Variants in CADPS observed in about 807,000 individuals in gnomAD.
CADPS encodes calcium dependent secretion activator.
A neutral mutation model predicts 167.3 loss-of-function variants in CADPS; 57 were observed. That is an observed-to-expected ratio of 0.34 (90% CI 0.28 to 0.42). CADPS has a LOEUF of 0.42. Among genes scored for constraint, CADPS ranks in the 20% least tolerant of loss-of-function variants. The pLI is 1.00. For missense variants in CADPS, 1,414 were observed against 1,738.1 expected, an observed-to-expected ratio of 0.81 and a Z score of 3.32; for synonymous variants, 676 against 635.3, an observed-to-expected ratio of 1.06 and a Z score of -0.96.
At chr3:62,506,733 C>A (rs540842767) in intron 17 of CADPS, among the ~76,000 whole-genome samples, 1 of 152,198 alleles carries the variant, frequency 6.6e-6, no homozygotes. Flanking sequence ...ACCATAGTAC[C>A]TCATACCATC....
intron 3 of CADPS, among the ~76,000 whole-genome samples, chr3:62,667,914 AGGGCCT>A (rs1196662236): frequency 6.6e-6 from 1 of 152,142 alleles, no homozygotes; most frequent in Non-Finnish European, 1.5e-5. Context: ...AAATTGTCAA[AGGGCCT>A]GGGCCTGGAG....
chr3:62,853,871 G>A (rs558690256), intron 1 of CADPS, among the ~76,000 whole-genome samples: 8 of 152,112 alleles, frequency 5.3e-5, no homozygotes, highest in East Asian at 1.9e-4. Context: ...TGGGAGGATC[G>A]CTTCAGCCTG....
At chr3:62,770,769 C>G (rs1008881644) in intron 1 of CADPS, among the ~76,000 whole-genome samples, 1 of 152,150 alleles carries the variant, frequency 6.6e-6, no homozygotes, top group Non-Finnish European at 1.5e-5. Context: ...AGATAACAAA[C>G]TTTCGTATCA....
At chr3:62,574,258 C>T (rs1208827063) in intron 8 of CADPS, among the ~76,000 whole-genome samples, 1 of 152,142 alleles carries the variant, frequency 6.6e-6, no homozygotes. Context: ...TATGCTGATT[C>T]TAAATATGAA....
At chr3:62,563,845 T>C (rs889549885) in intron 9 of CADPS, among the ~76,000 whole-genome samples, 1 of 152,158 alleles carries the variant, frequency 6.6e-6, no homozygotes, top group Admixed American at 6.6e-5. Flanking sequence ...TCCAATCCCA[T>C]CCAAATTGCT....
intron 6 of CADPS, among the ~76,000 whole-genome samples, chr3:62,638,797 T>G (rs1446513684): frequency 1.3e-5 from 2 of 152,176 alleles, no homozygotes; most frequent in Non-Finnish European, 2.9e-5. Flanking sequence ...ATTATGGTTC[T>G]TCTCTGGACC....
Position 62,874,543 on chromosome 3 carries a change from T to C in CADPS, c.441+46A>G. On this transcript the variant is annotated intron_variant, in intron 1 of 29. Coordinates refer to ENST00000383710, the MANE Select transcript of CADPS (RefSeq NM_003716.4). The surrounding 1 kb of genome is among the most constrained non-coding windows in gnomAD (Gnocchi z 7.1). Reference sequence around the variant, plus strand: ...GCTCCCATTGTTCACCCCGCCCGCCTGGCGACGTCCGGGTGCTGCTCCCTG... The same window carrying C: ...GCTCCCATTGTTCACCCCGCCCGCCCGGCGACGTCCGGGTGCTGCTCCCTG... 2 of 1,443,542 alleles carry C rather than the reference T, an allele frequency of 1.4e-6. No homozygotes were observed. Among genetic ancestry groups the C allele is most frequent in the Non-Finnish European group, 1.9e-6 (2 of 1,056,344 alleles). 89.4% of individuals were successfully genotyped at this position (1,443,542 alleles called of 1,614,324 possible). A position where few individuals can be genotyped will look rare whatever the true frequency, so the allele number is the denominator to read the frequency against.
intron 6 of CADPS, among the ~76,000 whole-genome samples, chr3:62,595,301 G>A (rs1247528450): frequency 6.6e-6 from 1 of 152,168 alleles, no homozygotes; most frequent in Non-Finnish European, 1.5e-5. Context: ...CAAAACGTTT[G>A]AGGTACAGAT....
chr3:62,632,000 C>T (rs564701900), intron 6 of CADPS, among the ~76,000 whole-genome samples: 2 of 152,262 alleles, frequency 1.3e-5, no homozygotes, highest in South Asian at 4.1e-4. Context: ...TGGGGCAATG[C>T]CAATAATGAA....
chr3:62,547,975 A>G (rs2076768424), intron 11 of CADPS, among the ~76,000 whole-genome samples: 1 of 152,182 alleles, frequency 6.6e-6, no homozygotes. Context: ...TAGAACAGAG[A>G]CACTGAATGT....
At chr3:62,603,334 G>A (rs2060231053) in intron 6 of CADPS, among the ~76,000 whole-genome samples, 1 of 152,242 alleles carries the variant, frequency 6.6e-6, no homozygotes, top group African/African-American at 2.4e-5. Context: ...TATGGTTCAA[G>A]AGGAAGTGAG....
At chr3:62,735,010 C>A (rs1258816641) in intron 3 of CADPS, among the ~76,000 whole-genome samples, 1 of 152,126 alleles carries the variant, frequency 6.6e-6, no homozygotes, top group Non-Finnish European at 1.5e-5. Flanking sequence ...ATGCAATTAC[C>A]TTATGTCCCA....
chr3:62,799,539 C>G (rs2093642084), intron 1 of CADPS, among the ~76,000 whole-genome samples: 2 of 152,130 alleles, frequency 1.3e-5, no homozygotes, highest in Non-Finnish European at 1.5e-5. Context: ...TTTTGTCAAG[C>G]AGCAAGATAA....
At position 62,621,403 on chromosome 3, in the gene CADPS, G is replaced by A. The variant is rs113597109; in HGVS notation, c.1325+24319C>T. Among the ~76,000 whole-genome samples the A allele has an allele frequency of 9.3e-3, 1,409 of 152,096 alleles. 24 individuals carry two copies. The highest frequency in any genetic ancestry group is 0.032 in the African/African-American group (1,319 of 41,468). On this transcript the variant is annotated intron_variant, in intron 6 of 29. Coordinates refer to ENST00000383710, the MANE Select transcript of CADPS (RefSeq NM_003716.4). Reference sequence around the variant, plus strand: ...GGTTGGCAGAATCCCAGTGAGCAAAGCTCTCCTTTACTCACTCCTAATGGT... The same window carrying A: ...GGTTGGCAGAATCCCAGTGAGCAAAACTCTCCTTTACTCACTCCTAATGGT...
intron 1 of CADPS, among the ~76,000 whole-genome samples, chr3:62,864,209 A>G (rs1444000308): frequency 1.3e-5 from 2 of 152,182 alleles, no homozygotes; most frequent in African/African-American, 4.8e-5. Flanking sequence ...CTGTGGCCAC[A>G]CCTTTAGCAG....
intron 3 of CADPS, among the ~76,000 whole-genome samples, chr3:62,700,486 A>G (rs549189741): frequency 6.6e-6 from 1 of 152,230 alleles, no homozygotes; most frequent in South Asian, 2.1e-4. Flanking sequence ...TCTCATTATT[A>G]CAATGGTCTT....
At chr3:62,522,111 ATC>A (rs2070774205) in intron 13 of CADPS, among the ~76,000 whole-genome samples, 1 of 150,476 alleles carries the variant, frequency 6.6e-6, no homozygotes, top group African/African-American at 2.5e-5. Context: ...CTATCTATCT[ATC>A]TATCTATCTA....
At chr3:62,676,097 A>AAT (rs1161968565) in intron 3 of CADPS, among the ~76,000 whole-genome samples, 3 of 152,242 alleles carry the variant, frequency 2.0e-5, no homozygotes, top group Admixed American at 6.5e-5. Flanking sequence ...AGCAATACCA[A>AAT]ATATATATAT....
intron 23 of CADPS, among the ~76,000 whole-genome samples, chr3:62,475,602 A>AC (rs2061204360): frequency 1.3e-5 from 2 of 149,944 alleles, no homozygotes; most frequent in Admixed American, 6.6e-5. Context: ...AAAAAAAAAA[A>AC]AAAAAAAAAA....
Sources: gnomAD v4.1 joint callset for allele counts (sites outside exome capture counted in the v4.1 genomes callset) on GRCh38, gnomAD v4.1.1 for gene constraint, Gnocchi (gnomAD v3.1) non-coding constraint, MANE v1.5 for transcripts, NCBI Gene and HGNC (gene_info 2026-07-23, HGNC 2026-07-21) for gene names.